Variants in ERBB4 observed in about 807,000 individuals in gnomAD.
ERBB4 encodes erb-b2 receptor tyrosine kinase 4.
A neutral mutation model predicts 158.0 loss-of-function variants in ERBB4; 42 were observed. That is an observed-to-expected ratio of 0.27 (90% CI 0.21 to 0.34). The LOEUF is 0.34. Ranked by LOEUF, ERBB4 falls within the 10% of genes least tolerant of loss-of-function variation. The probability of loss-of-function intolerance (pLI) is 1.00; values close to 1 mark genes in which losing one functional copy is unlikely to be tolerated. For synonymous variants in ERBB4, 583 were observed against 558.7 expected (o/e 1.04, Z -0.61); for missense variants, 1,333 against 1,624.1 (o/e 0.82, Z 3.08).
chr2:211,964,310 T>G (rs1406399234), intron 2 of ERBB4, among the ~76,000 whole-genome samples: 1 of 152,208 alleles, frequency 6.6e-6, no homozygotes, highest in East Asian at 1.9e-4. Flanking sequence ...GTATTTTATA[T>G]GCATACTGCA....
At chr2:211,442,882 T>A (rs1156598362) in intron 20 of ERBB4, among the ~76,000 whole-genome samples, 1 of 152,028 alleles carries the variant, frequency 6.6e-6, no homozygotes, top group Non-Finnish European at 1.5e-5. Flanking sequence ...AAATAAAGAT[T>A]TTTTTTATCT....
intron 1 of ERBB4, among the ~76,000 whole-genome samples, chr2:212,413,597 A>G (rs2091567575): frequency 6.6e-6 from 1 of 152,122 alleles, no homozygotes. Context: ...TTAATAGAAA[A>G]CATCTCAGTA....
chr2:211,812,232 G>C (rs968179562), intron 3 of ERBB4, among the ~76,000 whole-genome samples: 11 of 152,102 alleles, frequency 7.2e-5, no homozygotes, highest in Admixed American at 5.9e-4. Flanking sequence ...CCTTTTTGTT[G>C]ATGTTGATGC....
chr2:212,089,076 A>G (rs992535427), intron 2 of ERBB4, among the ~76,000 whole-genome samples: 4 of 152,172 alleles, frequency 2.6e-5, no homozygotes, highest in African/African-American at 9.7e-5. Context: ...ATGTATATTA[A>G]TTTTGTCAAT....
At chr2:211,858,591 A>T (rs1391793208) in intron 3 of ERBB4, among the ~76,000 whole-genome samples, 1 of 150,906 alleles carries the variant, frequency 6.6e-6, no homozygotes, top group Non-Finnish European at 1.5e-5. Context: ...ACAAAAAGCC[A>T]TTTTTTTTTT....
chr2:212,178,022 T>TAAAACAGTATGTGC (rs2081732217), intron 1 of ERBB4, among the ~76,000 whole-genome samples: 1 of 151,420 alleles, frequency 6.6e-6, no homozygotes. Context: ...TCAAACAGTG[T>TAAAACAGTATGTGC]AAAACAGTAT....
intron 1 of ERBB4, among the ~76,000 whole-genome samples, chr2:212,387,422 T>G (rs2090713586): frequency 6.6e-6 from 1 of 151,960 alleles, no homozygotes; most frequent in Non-Finnish European, 1.5e-5. Flanking sequence ...AGTCTTACTT[T>G]GATACAATCT....
chr2:211,961,054 C>T (rs950755206), intron 2 of ERBB4, among the ~76,000 whole-genome samples: 6 of 151,910 alleles, frequency 3.9e-5, no homozygotes, highest in African/African-American at 1.5e-4. Context: ...CCTAAAACTT[C>T]CCTAAAAATA....
At chr2:212,060,986 T>TAAATA (rs2077745849) in intron 2 of ERBB4, among the ~76,000 whole-genome samples, 2 of 149,834 alleles carry the variant, frequency 1.3e-5, no homozygotes, top group African/African-American at 4.9e-5. Context: ...AATAAATAAA[T>TAAATA]AAATAAAATA....
chr2:211,894,678 T>C (rs760842827), intron 3 of ERBB4, among the ~76,000 whole-genome samples: 22 of 152,330 alleles, frequency 1.4e-4, no homozygotes, highest in Admixed American at 3.9e-4. Flanking sequence ...AATTATAGGA[T>C]AGGGTGCTGA....
chr2:212,234,407 T>G (rs2371568), intron 1 of ERBB4, among the ~76,000 whole-genome samples: 5 of 152,154 alleles, frequency 3.3e-5, no homozygotes, highest in African/African-American at 1.2e-4. Context: ...GTTGGTTTCA[T>G]GTCTTTGCTA....
intron 1 of ERBB4, among the ~76,000 whole-genome samples, chr2:212,159,270 T>G (rs34687398): frequency 0.4 from 60,519 of 150,012 alleles, 14,811 homozygotes; most frequent in Non-Finnish European, 0.54. Context: ...TTTTGTTTTT[T>G]TTTTTTTTTT....
intron 1 of ERBB4, among the ~76,000 whole-genome samples, chr2:212,394,544 ATAATT>A (rs1417520633): frequency 1.2e-4 from 18 of 152,088 alleles, no homozygotes; most frequent in East Asian, 3.9e-4. Context: ...TTTTAGAAAC[ATAATT>A]TAATTTATAG....
chr2:211,944,206 A>ATATAT (rs2080609623), intron 3 of ERBB4, among the ~76,000 whole-genome samples: 8 of 104,052 alleles, frequency 7.7e-5, no homozygotes, highest in African/African-American at 2.1e-4. Context: ...TATACTATAT[A>ATATAT]TATATATACA....
At chr2:212,180,821 C>T (rs963902390) in intron 1 of ERBB4, among the ~76,000 whole-genome samples, 5 of 151,648 alleles carry the variant, frequency 3.3e-5, no homozygotes, top group Non-Finnish European at 5.9e-5. Context: ...TTTGATTACA[C>T]TCTTGGGGAC....
chr2:212,103,721 A>G, intron 2 of ERBB4, among the ~76,000 whole-genome samples: 1 of 148,210 alleles, frequency 6.7e-6, no homozygotes, highest in East Asian at 2.0e-4. Flanking sequence ...CTGATTTTTC[A>G]TTTTTTTTTT....
intron 2 of ERBB4, among the ~76,000 whole-genome samples, chr2:211,953,017 G>A (rs1009618038): frequency 2.0e-5 from 3 of 151,966 alleles, no homozygotes; most frequent in African/African-American, 7.2e-5. Context: ...TATACTTTAT[G>A]TGTGTATATT....
chr2:212,333,894 C>T (rs370599166), intron 1 of ERBB4, among the ~76,000 whole-genome samples: 2 of 151,978 alleles, frequency 1.3e-5, no homozygotes, highest in East Asian at 1.9e-4. Flanking sequence ...TCACCTAATA[C>T]AGAAACCTAT....
At chr2:211,581,251 C>G (rs1403417070) in intron 19 of ERBB4, among the ~76,000 whole-genome samples, 1 of 151,376 alleles carries the variant, frequency 6.6e-6, no homozygotes, top group East Asian at 1.9e-4. Flanking sequence ...TCACCTGTTC[C>G]CCCAATAACC....
Sources: gnomAD v4.1 joint callset for allele counts (sites outside exome capture counted in the v4.1 genomes callset) on GRCh38, gnomAD v4.1.1 for gene constraint, MANE v1.5 for transcripts, NCBI Gene and HGNC (gene_info 2026-07-23, HGNC 2026-07-21) for gene names.